FSIP1: variants seen among roughly 807,000 people sequenced by gnomAD.
The protein encoded by FSIP1 is fibrous sheath-interacting protein 1.
FSIP1 carries 65 observed loss-of-function variants against 60.9 expected under a neutral mutation model. The ratio of observed to expected loss-of-function variants is 1.07; its 90% CI spans 0.87 to 1.31. The LOEUF is 1.31. Among genes scored for constraint, FSIP1 ranks in the 40% most tolerant of loss-of-function variants. The probability of loss-of-function intolerance (pLI) is 0.00; values close to 1 mark genes in which losing one functional copy is unlikely to be tolerated. For missense variants in FSIP1, 675 were observed against 665.5 expected (o/e 1.01, Z -0.16); for synonymous variants, 209 against 221.2 (o/e 0.94, Z 0.49).
chr15:39,765,945 C>G (rs1897670847), intron 3 of FSIP1, among the ~76,000 whole-genome samples, 199 bp from the exon 4 acceptor site: 2 of 152,288 alleles, frequency 1.3e-5, no homozygotes, highest in East Asian at 1.9e-4. Context: ...CCCTATGAAA[C>G]AGACATTTAT....
intron 10 of FSIP1, among the ~76,000 whole-genome samples, chr15:39,654,798 C>T (rs542333137): frequency 1.3e-5 from 2 of 152,266 alleles, no homozygotes; most frequent in South Asian, 2.1e-4. Flanking sequence ...CAAAATTCTG[C>T]GACCCCAAGT....
chr15:39,781,454 T>G (rs1898261485), intron 1 of FSIP1, among the ~76,000 whole-genome samples: 2 of 152,040 alleles, frequency 1.3e-5, no homozygotes, highest in Non-Finnish European at 2.9e-5. Flanking sequence ...CTCCACAATC[T>G]CATTCATATT....
At chr15:39,704,157 C>G (rs1251812448) in intron 10 of FSIP1, among the ~76,000 whole-genome samples, 1 of 152,194 alleles carries the variant, frequency 6.6e-6, no homozygotes, top group African/African-American at 2.4e-5. Context: ...CACCTGCCAC[C>G]ACCTACAGAA....
chr15:39,780,962 A>G (rs926943121), intron 1 of FSIP1, among the ~76,000 whole-genome samples: 3 of 152,246 alleles, frequency 2.0e-5, no homozygotes, highest in African/African-American at 7.2e-5. Context: ...CATCAAAGGC[A>G]TGATTCATAA....
At chr15:39,674,825 T>A (rs1367063075) in intron 10 of FSIP1, among the ~76,000 whole-genome samples, 1 of 152,060 alleles carries the variant, frequency 6.6e-6, no homozygotes, top group South Asian at 2.1e-4. Flanking sequence ...TAAAACAAGA[T>A]ACAGTATTAG....
At chr15:39,637,514 A>T (rs1205769102) in intron 10 of FSIP1, among the ~76,000 whole-genome samples, 1 of 152,206 alleles carries the variant, frequency 6.6e-6, no homozygotes, top group Admixed American at 6.5e-5. Flanking sequence ...GGATGCGACT[A>T]CTGGAACTGC....
At chr15:39,770,310 T>G in intron 3 of FSIP1, 117 bp downstream of exon 3, 1 of 725,942 alleles carries the variant, frequency 1.4e-6, no homozygotes, top group Non-Finnish European at 2.0e-6. Flanking sequence ...TTTTTTGGTT[T>G]ATTATTTATA....
intron 9 of FSIP1, among the ~76,000 whole-genome samples, chr15:39,722,810 G>A (rs1896034372): frequency 6.6e-6 from 1 of 152,112 alleles, no homozygotes; most frequent in Non-Finnish European, 1.5e-5. Flanking sequence ...TGCACCTGTA[G>A]TCCCAGCTTC....
At chr15:39,716,925 C>T (rs553909235) in intron 9 of FSIP1, among the ~76,000 whole-genome samples, 1 of 150,750 alleles carries the variant, frequency 6.6e-6, no homozygotes, top group East Asian at 2.0e-4. Context: ...AGCGATTCTC[C>T]TGCCTCAGCC....
Position 39,606,706 on chromosome 15 carries a change from T to A in FSIP1, c.1700-5780A>T, listed in dbSNP as rs1345063926. Among the ~76,000 whole-genome samples, 5 of 152,214 alleles carry A rather than the reference T, an allele frequency of 3.3e-5. No individual in the cohort carries two copies. In the East Asian group the frequency reaches 9.6e-4, roughly 29 times the overall value. On this transcript the variant is annotated intron_variant, in intron 11 of 11. Transcript: ENST00000350221. ...GTTTTTCTTAAAGAATTAGTGCAGT[T>A]CTGTCCCCATTTTTTACTGCACAAC...
At chr15:39,667,769 G>A (rs546124195) in intron 10 of FSIP1, among the ~76,000 whole-genome samples, 3 of 152,300 alleles carry the variant, frequency 2.0e-5, no homozygotes, top group Admixed American at 2.0e-4. Context: ...GGCATAAAAG[G>A]AAAGGGAAAG....
chr15:39,674,097 C>T (rs1893832553), intron 10 of FSIP1, among the ~76,000 whole-genome samples: 1 of 151,612 alleles, frequency 6.6e-6, no homozygotes, highest in Non-Finnish European at 1.5e-5. Flanking sequence ...CTCTGTCGCC[C>T]AGGCTGGAGT....
intron 3 of FSIP1, among the ~76,000 whole-genome samples, chr15:39,769,811 C>T (rs1458980423): frequency 6.6e-6 from 1 of 152,116 alleles, no homozygotes; most frequent in African/African-American, 2.4e-5. Flanking sequence ...GATAAAGCAC[C>T]AGCAATTTTG....
chr15:39,713,547 A>G lies in FSIP1; in HGVS notation c.1085T>C (p.Val362Ala), dbSNP rs745963603. The G allele has an allele frequency of 7.5e-6, 12 of 1,603,946 alleles. No individual in the cohort carries two copies. The South Asian group carries it at 1.2e-4, about 17-fold the overall frequency. Reference protein sequence around the residue: ...PDRDGERNMEVTPGEKILRNT... With the variant: ...PDRDGERNMEATPGEKILRNT... ...CCTAAGTATCTTTTCTCCTGGAGTT[A>G]CTTCCATATTTCTTTCACCATCACG... is the stretch of plus-strand genomic sequence containing the variant. Residue 362 changes from valine to alanine, a missense_variant, in exon 10 of 12, where the codon GTA (valine) becomes GCA (alanine). Coordinates refer to ENST00000350221, the MANE Select transcript of FSIP1 (RefSeq NM_152597.5).
At chr15:39,776,204 G>A (rs1220933934) in intron 2 of FSIP1, among the ~76,000 whole-genome samples, 195 bp downstream of exon 2, 1 of 126,892 alleles carries the variant, frequency 7.9e-6, no homozygotes, top group Non-Finnish European at 1.7e-5. Flanking sequence ...GAGAGAGGGA[G>A]GGAGGGAGGG....
chr15:39,752,072 T>C (rs4924387), intron 5 of FSIP1, among the ~76,000 whole-genome samples: 21,332 of 152,004 alleles, frequency 0.14, 1,839 homozygotes, highest in Admixed American at 0.27. Flanking sequence ...AAGAAAGTCA[T>C]CATCATTTTC....
At chr15:39,770,297 C>CT (rs941935302) in intron 3 of FSIP1, 130 bp downstream of exon 3, 55 of 592,038 alleles carry the variant, frequency 9.3e-5, no homozygotes, top group South Asian at 2.1e-4. Context: ...TAGTCTATGT[C>CT]TTTTTTTTGG....
intron 11 of FSIP1, among the ~76,000 whole-genome samples, chr15:39,617,079 T>C (rs1398241709): frequency 6.6e-6 from 1 of 152,204 alleles, no homozygotes; most frequent in Admixed American, 6.5e-5. Context: ...AATAGATTAA[T>C]AGATAGAAAT....
At chr15:39,615,534 A>G (rs1327366615) in intron 11 of FSIP1, among the ~76,000 whole-genome samples, 4 of 152,082 alleles carry the variant, frequency 2.6e-5, no homozygotes, top group African/African-American at 9.7e-5. Context: ...ATCATTAAGA[A>G]AATGTAAATT....
Sources: gnomAD v4.1 joint callset for allele counts (sites outside exome capture counted in the v4.1 genomes callset) on GRCh38, gnomAD v4.1.1 for gene constraint, MANE v1.5 for transcripts, NCBI Gene and HGNC (gene_info 2026-07-23, HGNC 2026-07-21) for gene names.